RASSF6: variants seen among roughly 807,000 people sequenced by gnomAD.
RASSF6 encodes Ras association domain family member 6.
A neutral mutation model predicts 44.0 loss-of-function variants in RASSF6; 52 were observed. The ratio of observed to expected loss-of-function variants is 1.18; its 90% CI spans 0.95 to 1.49. The LOEUF (loss-of-function observed/expected upper bound fraction) is 1.49, where lower values mean the gene tolerates loss of function less well. Among genes scored for constraint, RASSF6 ranks in the 40% most tolerant of loss-of-function variants. The pLI, the probability that RASSF6 is intolerant of heterozygous loss-of-function variation, is 0.00. For synonymous variants in RASSF6, 162 were observed against 124.6 expected, an observed-to-expected ratio of 1.30 and a Z score of -2.00; for missense variants, 464 against 393.3, an observed-to-expected ratio of 1.18 and a Z score of -1.52.
chr4:73,593,639 T>C, intron 3 of RASSF6, 46 bp from the exon 4 acceptor site: 1 of 1,573,242 alleles, frequency 6.4e-7, no homozygotes, highest in Non-Finnish European at 8.7e-7. Flanking sequence ...GTATTATTTA[T>C]AGACGGTAAA....
At chr4:73,593,859 G>A (rs1319271638) in intron 3 of RASSF6, among the ~76,000 whole-genome samples, 1 of 152,128 alleles carries the variant, frequency 6.6e-6, no homozygotes. Flanking sequence ...ATGTCAAAAT[G>A]CTTTCTGAAC....
Position 73,595,060 on chromosome 4 carries a change from T to A in RASSF6, c.145-1467A>T, listed in dbSNP as rs112107000. On this transcript the variant is annotated intron_variant, in intron 3 of 10. Coordinates refer to ENST00000307439, the MANE Select transcript of RASSF6 (RefSeq NM_177532.5). ...CCCTTTTAAACAGTGTCAGAAGATT[T>A]GAAAAATTCTGAATTATGACTTTAT... 7.4e-3 allele frequency among the ~76,000 whole-genome samples: 1,133 copies of A among 152,336 alleles called. 16 individuals carry two copies. Among genetic ancestry groups the A allele is most frequent in the African/African-American group, 0.026 (1,077 of 41,572 alleles).
intron 1 of RASSF6, among the ~76,000 whole-genome samples, chr4:73,615,586 A>T (rs1254930953): frequency 1.3e-5 from 2 of 152,254 alleles, no homozygotes; most frequent in African/African-American, 4.8e-5. Context: ...GCCAGAGATT[A>T]TTGACTTAGA....
chr4:73,620,064 C>T (rs1250472352), intron 1 of RASSF6, among the ~76,000 whole-genome samples: 1 of 152,022 alleles, frequency 6.6e-6, no homozygotes, highest in South Asian at 2.1e-4. Flanking sequence ...TGCACCCTTT[C>T]CCTCCCTTCT....
At chr4:73,595,845 T>C (rs1056305667) in intron 3 of RASSF6, among the ~76,000 whole-genome samples, 1 of 152,172 alleles carries the variant, frequency 6.6e-6, no homozygotes, top group Non-Finnish European at 1.5e-5. Context: ...TTGAACTAAA[T>C]CATTTAAGCT....
intron 1 of RASSF6, among the ~76,000 whole-genome samples, chr4:73,618,927 C>A (rs182780914): frequency 6.6e-6 from 1 of 152,122 alleles, no homozygotes; most frequent in Non-Finnish European, 1.5e-5. Flanking sequence ...GACAAAAGTG[C>A]CCTTTAAGTG....
intron 6 of RASSF6, among the ~76,000 whole-genome samples, chr4:73,583,219 C>T (rs976125300): frequency 9.9e-5 from 15 of 152,082 alleles, no homozygotes; most frequent in African/African-American, 3.6e-4. Context: ...TATTGACTCA[C>T]TTAACATATA....
At chr4:73,608,241 T>C (rs1407782692) in intron 2 of RASSF6, among the ~76,000 whole-genome samples, 1 of 151,828 alleles carries the variant, frequency 6.6e-6, no homozygotes, top group Non-Finnish European at 1.5e-5. Context: ...TCTGAGAACA[T>C]TTTTAGATTA....
chr4:73,620,215 T>G (rs1726611626), intron 1 of RASSF6, 73 bp downstream of exon 1: 2 of 994,622 alleles, frequency 2.0e-6, no homozygotes, highest in Non-Finnish European at 2.7e-6. Flanking sequence ...GGATTCTGCT[T>G]TCTAATAACT....
chr4:73,620,405 T>C lies in RASSF6; in HGVS notation c.-152A>G. The C allele has an allele frequency of 2.0e-6, 3 of 1,538,344 alleles. No individual in the cohort carries two copies. In the South Asian group the frequency reaches 3.7e-5, roughly 19 times the overall value. Reference sequence around the variant, plus strand: ...CTGGTAGAGGGAAACCAGTGCCCTGTCTCTGCCGGGCTGGGACTCCGCGAG... The same window carrying C: ...CTGGTAGAGGGAAACCAGTGCCCTGCCTCTGCCGGGCTGGGACTCCGCGAG... On this transcript the variant is annotated 5_prime_UTR_variant, in exon 1 of 11. Transcript: ENST00000307439.
intron 8 of RASSF6, among the ~76,000 whole-genome samples, chr4:73,577,692 T>G (rs1723327125): frequency 6.6e-6 from 1 of 152,168 alleles, no homozygotes; most frequent in Non-Finnish European, 1.5e-5. Context: ...CTTGACAACT[T>G]AGCTCCTCTC....
intron 3 of RASSF6, among the ~76,000 whole-genome samples, chr4:73,597,774 T>C (rs765767776): frequency 4.6e-5 from 7 of 152,206 alleles, no homozygotes; most frequent in Non-Finnish European, 1.0e-4. Context: ...ATGTACACCA[T>C]GGAATACTAT....
rs1190636090 is a variant in RASSF6 at position 73,576,633 on chromosome 4, C to T, written c.820G>A (p.Ala274Thr). 1 of 1,613,026 alleles carries T rather than the reference C, an allele frequency of 6.2e-7. No homozygotes were observed. The change falls in exon 9 of 11, where the codon GCA becomes ACA. Residue 274 changes from alanine (A) to threonine (T), a missense_variant. Coordinates refer to ENST00000307439, the MANE Select transcript of RASSF6 (RefSeq NM_177532.5). ...NARIFLMDKD[A>T]EEISSDVAQY... ...CATACATCACTGCTAATTTCTTCTG[C>T]ATCTTTATCCATGAGGAAAATGCGA...
intron 1 of RASSF6, among the ~76,000 whole-genome samples, chr4:73,616,506 A>C (rs1726374929): frequency 6.6e-6 from 1 of 152,200 alleles, no homozygotes; most frequent in Non-Finnish European, 1.5e-5. Context: ...TAAAACATAC[A>C]CAAAATATTG....
At chr4:73,579,982 A>G (rs1409614602) in intron 8 of RASSF6, among the ~76,000 whole-genome samples, 1 of 149,822 alleles carries the variant, frequency 6.7e-6, no homozygotes. Flanking sequence ...CTAACTCGTC[A>G]TCTAGCATTA....
intron 3 of RASSF6, among the ~76,000 whole-genome samples, chr4:73,596,537 A>G: frequency 6.6e-6 from 1 of 152,262 alleles, no homozygotes; most frequent in East Asian, 1.9e-4. Flanking sequence ...TATTGTTAAG[A>G]TGGCAATACT....
rs1210058589 is a variant in RASSF6 at position 73,576,686 on chromosome 4, A to C, written c.767T>G (p.Leu256Arg). ...ATTCTTTTCAGAAGGTCCCTGTAGG[A>C]GCCTCTGCAGTAGCGGAATGTCTGT... ...KKTDIPLLQRLLQGPSEKNAR... is the reference protein window; with the variant it reads ...KKTDIPLLQRRLQGPSEKNAR... Residue 256 changes from leucine (L) to arginine (R), a missense_variant, in exon 9 of 11, where the codon CTC becomes CGC. By Grantham distance (102) the Leu-to-Arg change is moderately radical. Coordinates refer to ENST00000307439, the MANE Select transcript of RASSF6 (RefSeq NM_177532.5). 51 of 1,613,638 alleles carry C rather than the reference A, an allele frequency of 3.2e-5. No homozygotes were observed. Among genetic ancestry groups the C allele is most frequent in the Non-Finnish European group, 4.2e-5 (49 of 1,179,680 alleles).
chr4:73,611,517 A>G (rs980755359), intron 2 of RASSF6, among the ~76,000 whole-genome samples: 2 of 152,172 alleles, frequency 1.3e-5, no homozygotes, highest in African/African-American at 4.8e-5. Context: ...TTAATAAAGT[A>G]AAACCACTGT....
chr4:73,585,229 T>C lies in RASSF6; in HGVS notation c.518A>G (p.Glu173Gly). The C allele has an allele frequency of 6.2e-7, 1 of 1,612,288 alleles. No individual in the cohort carries two copies. ...RMKPLMMDRK[E>G]RQKNRASING... ...AATAGAGGCTCTATTTTTCTGTCTT[T>C]CTTTTCTGTCCATCATCAGAGGCTT... is the stretch of plus-strand genomic sequence containing the variant. Residue 173 changes from glutamate to glycine, a missense_variant, in exon 6 of 11, where the codon GAA (glutamate) becomes GGA (glycine). Coordinates refer to ENST00000307439, the MANE Select transcript of RASSF6 (RefSeq NM_177532.5).
Sources: allele counts gnomAD v4.1 joint callset (sites outside exome capture counted in the v4.1 genomes callset), GRCh38; gene constraint gnomAD v4.1.1; transcripts MANE v1.5; gene names NCBI Gene and HGNC (gene_info 2026-07-23, HGNC 2026-07-21).